Variants in MAP4K4 observed in about 807,000 individuals in gnomAD.
MAP4K4 encodes the protein HPK/GCK-like kinase HGK.
MAP4K4 carries 38 observed loss-of-function variants against 189.6 expected under a neutral mutation model. The observed-to-expected ratio is 0.20, with a 90% confidence interval of 0.15 to 0.26. The LOEUF (loss-of-function observed/expected upper bound fraction) is 0.26. Ranked by LOEUF, MAP4K4 falls within the 10% of genes least tolerant of loss-of-function variation. The pLI, the probability that MAP4K4 is intolerant of heterozygous loss-of-function variation, is 1.00. For missense variants in MAP4K4, 1,054 were observed against 1,726.9 expected, an observed-to-expected ratio of 0.61 and a Z score of 6.91; for synonymous variants, 610 against 624.3, an observed-to-expected ratio of 0.98 and a Z score of 0.34.
chr2:101,871,985 C>T (rs1220277074), intron 24 of MAP4K4, among the ~76,000 whole-genome samples: 3 of 152,138 alleles, frequency 2.0e-5, no homozygotes, highest in Non-Finnish European at 4.4e-5. Flanking sequence ...ATTGCTCTGT[C>T]CTCAGACCGG....
intron 5 of MAP4K4, among the ~76,000 whole-genome samples, chr2:101,825,711 A>G (rs908895060): frequency 2.0e-5 from 3 of 152,198 alleles, no homozygotes; most frequent in Non-Finnish European, 2.9e-5. Flanking sequence ...CTTTGAGTTA[A>G]AAGGAAATCA....
intron 2 of MAP4K4, among the ~76,000 whole-genome samples, chr2:101,713,901 A>C (rs2047004569): frequency 6.6e-6 from 1 of 152,190 alleles, no homozygotes; most frequent in Admixed American, 6.5e-5. Flanking sequence ...CTCAAAAAAA[A>C]AATTTTCTAA....
intron 32 of MAP4K4, among the ~76,000 whole-genome samples, chr2:101,890,530 C>T (rs1383344825): frequency 6.6e-6 from 1 of 152,128 alleles, no homozygotes; most frequent in Non-Finnish European, 1.5e-5. Context: ...GATCTCGGCT[C>T]ACTGCAACCT....
chr2:101,721,014 C>T (rs2051567818), intron 2 of MAP4K4, among the ~76,000 whole-genome samples: 1 of 152,170 alleles, frequency 6.6e-6, no homozygotes, highest in South Asian at 2.1e-4. Context: ...GGCTGAATTG[C>T]ATTTAGCGCT....
chr2:101,770,411 G>A (rs914317096), intron 2 of MAP4K4, among the ~76,000 whole-genome samples: 2 of 151,912 alleles, frequency 1.3e-5, no homozygotes, highest in African/African-American at 2.4e-5. Flanking sequence ...ACCACACCCG[G>A]CTAATTTTTT....
intron 16 of MAP4K4, among the ~76,000 whole-genome samples, chr2:101,863,526 C>G (rs2097728867): frequency 1.3e-5 from 2 of 151,882 alleles, no homozygotes; most frequent in African/African-American, 4.8e-5. Flanking sequence ...CTGAGAGCCT[C>G]TTTGTGGGGA....
At chr2:101,755,929 CTTTTTTT>C (rs57392183) in intron 2 of MAP4K4, among the ~76,000 whole-genome samples, 17 of 57,742 alleles carry the variant, frequency 2.9e-4, no homozygotes, top group East Asian at 6.5e-4. Context: ...AGTTCTTTTT[CTTTTTTT>C]TTTTTTTTTT....
At chr2:101,721,151 T>C (rs2051652982) in intron 2 of MAP4K4, among the ~76,000 whole-genome samples, 1 of 152,174 alleles carries the variant, frequency 6.6e-6, no homozygotes, top group African/African-American at 2.4e-5. Flanking sequence ...CAGTAGACTA[T>C]GAGGTTTAAA....
At chr2:101,879,217 A>T (rs2098305684) in intron 27 of MAP4K4, among the ~76,000 whole-genome samples, 2 of 149,046 alleles carry the variant, frequency 1.3e-5, no homozygotes, top group African/African-American at 4.9e-5. Flanking sequence ...AAAAAAAAAA[A>T]AATTAATAAT....
chr2:101,753,916 C>T (rs2070701445), intron 2 of MAP4K4, among the ~76,000 whole-genome samples: 1 of 152,180 alleles, frequency 6.6e-6, no homozygotes, highest in Admixed American at 6.5e-5. Flanking sequence ...TAAAGTTCAA[C>T]ACCCACCATG....
intron 23 of MAP4K4, chr2:101,870,624 T>C: frequency 1.8e-6 from 1 of 564,330 alleles, no homozygotes. Context: ...CCCACATCGC[T>C]GCTCCTCTGC....
At chr2:101,864,957 C>T in exon 18 of MAP4K4, 1 of 1,577,590 alleles carries the variant, frequency 6.3e-7, no homozygotes, top group South Asian at 1.2e-5. Context: ...ATCTCGCTCC[C>T]CTGTTCTGTC....
At chr2:101,722,254 C>T (rs367664831) in intron 2 of MAP4K4, among the ~76,000 whole-genome samples, 2 of 152,168 alleles carry the variant, frequency 1.3e-5, no homozygotes, top group Admixed American at 6.5e-5. Flanking sequence ...TTGGGGTTTT[C>T]GTAACCTCAT....
intron 2 of MAP4K4, among the ~76,000 whole-genome samples, chr2:101,701,645 A>G (rs1452081708): frequency 6.6e-6 from 1 of 152,164 alleles, no homozygotes; most frequent in Non-Finnish European, 1.5e-5. Context: ...GAAGGAGGTG[A>G]AAAACGGGGT....
intron 2 of MAP4K4, among the ~76,000 whole-genome samples, chr2:101,714,570 C>T (rs1033334557): frequency 3.9e-5 from 6 of 152,238 alleles, no homozygotes; most frequent in East Asian, 3.9e-4. Context: ...TTATCTTCCC[C>T]GTTATCAAAA....
chr2:101,760,156 T>C (rs2075568986), intron 2 of MAP4K4, among the ~76,000 whole-genome samples: 1 of 151,996 alleles, frequency 6.6e-6, no homozygotes, highest in African/African-American at 2.4e-5. Flanking sequence ...GCTTTTTCTT[T>C]TTCTTTTTTT....
At chr2:101,702,608 C>A (rs1431837966) in intron 2 of MAP4K4, among the ~76,000 whole-genome samples, 1 of 152,072 alleles carries the variant, frequency 6.6e-6, no homozygotes, top group Non-Finnish European at 1.5e-5. Context: ...AGCCTGAGGA[C>A]AATTCTGAGT....
At chr2:101,735,949 G>A (rs1373096692) in intron 2 of MAP4K4, among the ~76,000 whole-genome samples, 4 of 152,202 alleles carry the variant, frequency 2.6e-5, no homozygotes, top group Admixed American at 6.5e-5. Context: ...CAGGGAAGAA[G>A]TCTGTTTCCT....
chr2:101,873,161 GC>G (rs1326915642), intron 24 of MAP4K4, among the ~76,000 whole-genome samples: 2 of 152,164 alleles, frequency 1.3e-5, no homozygotes, highest in African/African-American at 4.8e-5. Context: ...AACAACAGTA[GC>G]CAAAGCTTCT....
Sources: allele counts gnomAD v4.1 joint callset (sites outside exome capture counted in the v4.1 genomes callset), GRCh38; gene constraint gnomAD v4.1.1; transcripts MANE v1.5; gene names NCBI Gene and HGNC (gene_info 2026-07-23, HGNC 2026-07-21).